The following TTC28 variants were observed in gnomAD, a reference collection of about 807,000 sequenced individuals.
TTC28 encodes tetratricopeptide repeat protein 28.
Under a neutral mutation model 198.0 loss-of-function variants are expected in TTC28, and 61 were observed. The ratio of observed to expected loss-of-function variants is 0.31; its 90% CI spans 0.25 to 0.38. The LOEUF is 0.38. Ranked by LOEUF, TTC28 falls within the 10% of genes least tolerant of loss-of-function variation. The probability of loss-of-function intolerance (pLI) is 1.00; values close to 1 mark genes in which losing one functional copy is unlikely to be tolerated. For missense variants in TTC28, 2,678 were observed against 3,164.0 expected, an observed-to-expected ratio of 0.85 and a Z score of 3.69; for synonymous variants, 1,171 against 1,297.8, an observed-to-expected ratio of 0.90 and a Z score of 2.10.
chr22:28,635,327 A>AG (rs1187251741), intron 1 of TTC28, among the ~76,000 whole-genome samples: 1 of 152,218 alleles, frequency 6.6e-6, no homozygotes, highest in Admixed American at 6.5e-5. Flanking sequence ...TCTCAAAAAA[A>AG]CAAAACAAAG....
At chr22:28,632,660 T>C (rs2051197423) in intron 1 of TTC28, among the ~76,000 whole-genome samples, 1 of 151,736 alleles carries the variant, frequency 6.6e-6, no homozygotes, top group South Asian at 2.1e-4. Flanking sequence ...CCATAAGTTA[T>C]AGAAACAAAT....
chr22:28,357,361 G>A (rs1216888391), intron 2 of TTC28, among the ~76,000 whole-genome samples: 1 of 148,894 alleles, frequency 6.7e-6, no homozygotes, highest in Non-Finnish European at 1.5e-5. Flanking sequence ...GTCAGCAAGG[G>A]GTGGAGTACA....
chr22:28,168,928 C>CA, intron 5 of TTC28, among the ~76,000 whole-genome samples: 1 of 152,236 alleles, frequency 6.6e-6, no homozygotes, highest in Non-Finnish European at 1.5e-5. Flanking sequence ...ACTCATTTGA[C>CA]AAAGGGCTAA....
chr22:28,569,617 C>A (rs1252876442), intron 2 of TTC28, among the ~76,000 whole-genome samples: 5 of 151,584 alleles, frequency 3.3e-5, no homozygotes, highest in African/African-American at 4.8e-5. Flanking sequence ...GAAAAAAAAA[C>A]CTAGGAAATA....
intron 2 of TTC28, among the ~76,000 whole-genome samples, chr22:28,593,169 C>T (rs938128524): frequency 4.6e-5 from 7 of 152,200 alleles, no homozygotes; most frequent in African/African-American, 1.7e-4. Context: ...ATAATTGCAG[C>T]AGTTTTCCAG....
chr22:28,082,079 C>T (rs1282926260), intron 12 of TTC28, among the ~76,000 whole-genome samples: 1 of 152,110 alleles, frequency 6.6e-6, no homozygotes, highest in Non-Finnish European at 1.5e-5. Context: ...TATAGAAACA[C>T]ACTTGATTTT....
intron 6 of TTC28, among the ~76,000 whole-genome samples, chr22:28,128,085 C>T (rs1295129107): frequency 6.6e-6 from 1 of 152,120 alleles, no homozygotes; most frequent in Admixed American, 6.5e-5. Context: ...CACATCAAAG[C>T]CTCTGTAAGT....
chr22:28,011,415 G>T (rs572639685), intron 14 of TTC28, among the ~76,000 whole-genome samples: 2 of 152,168 alleles, frequency 1.3e-5, no homozygotes, highest in African/African-American at 4.8e-5. Flanking sequence ...GGGCAACATG[G>T]TGAAACCCTG....
intron 12 of TTC28, among the ~76,000 whole-genome samples, chr22:28,040,104 C>A (rs1937793687): frequency 6.6e-6 from 1 of 152,068 alleles, no homozygotes. Context: ...CATAGCCTAC[C>A]AAACAAAAAA....
chr22:28,418,258 C>T (rs951924149), intron 2 of TTC28, among the ~76,000 whole-genome samples: 2 of 152,080 alleles, frequency 1.3e-5, no homozygotes, highest in African/African-American at 2.4e-5. Flanking sequence ...TAATTAACTG[C>T]CAGGAAAATG....
chr22:28,033,278 G>A (rs1939206784), intron 12 of TTC28, among the ~76,000 whole-genome samples: 1 of 152,090 alleles, frequency 6.6e-6, no homozygotes, highest in Admixed American at 6.6e-5. Context: ...ACAGATAAAG[G>A]AATCTCCCAT....
intron 5 of TTC28, among the ~76,000 whole-genome samples, chr22:28,190,754 G>A (rs909019130): frequency 2.0e-5 from 3 of 152,042 alleles, no homozygotes; most frequent in Non-Finnish European, 2.9e-5. Flanking sequence ...AGTTCCCCAC[G>A]GACCCCATCA....
At chr22:28,620,744 C>T (rs1280528487) in intron 2 of TTC28, among the ~76,000 whole-genome samples, 1 of 152,168 alleles carries the variant, frequency 6.6e-6, no homozygotes, top group African/African-American at 2.4e-5. Context: ...TGACTTTCTA[C>T]CGGGCCAAAG....
rs775674654 is a variant in TTC28, at chr22:27,983,420, T to G, written c.6247A>C (p.Lys2083Gln). ...NRNTCFSPDHKQPQPGTAGGM... is the reference protein window; with the variant it reads ...NRNTCFSPDHQQPQPGTAGGM... ...CCGGCTGTCCCAGGTTGGGGTTGTT[T>G]GTGGTCTGGTGAGAAGCATGTGTTT... Residue 2083 changes from lysine to glutamine, a missense_variant, in exon 23 of 23, where the codon AAA (lysine) becomes CAA (glutamine). Transcript: ENST00000397906. The G allele has an allele frequency of 1.3e-6, 2 of 1,551,008 alleles. No individual in the cohort carries two copies. Among genetic ancestry groups the G allele is most frequent in the South Asian group, 2.4e-5 (2 of 84,012 alleles).
At chr22:28,236,045 T>A (rs1350242440) in intron 5 of TTC28, among the ~76,000 whole-genome samples, 2 of 152,198 alleles carry the variant, frequency 1.3e-5, no homozygotes, top group African/African-American at 4.8e-5. Flanking sequence ...CTGCTGATCT[T>A]GCTGACCAAC....
At chr22:28,180,509 A>C (rs1487652047) in intron 5 of TTC28, among the ~76,000 whole-genome samples, 1 of 152,150 alleles carries the variant, frequency 6.6e-6, no homozygotes, top group East Asian at 1.9e-4. Context: ...CGGGGCCACC[A>C]GTAAGCTTGT....
intron 5 of TTC28, among the ~76,000 whole-genome samples, chr22:28,193,804 A>C (rs1925123849): frequency 6.6e-6 from 1 of 152,214 alleles, no homozygotes; most frequent in Admixed American, 6.5e-5. Context: ...TTAGAGACCT[A>C]CCAAGAGACT....
chr22:28,486,599 T>C (rs2048317956), intron 2 of TTC28, among the ~76,000 whole-genome samples: 4 of 152,106 alleles, frequency 2.6e-5, no homozygotes, highest in African/African-American at 9.7e-5. Context: ...CAAATGAAAA[T>C]GGTATAAATA....
chr22:28,484,995 C>T (rs1347383667), intron 2 of TTC28, among the ~76,000 whole-genome samples: 1 of 152,160 alleles, frequency 6.6e-6, no homozygotes, highest in Non-Finnish European at 1.5e-5. Flanking sequence ...ACTATCTTGT[C>T]AGTTTTCTCC....
Sources: allele counts gnomAD v4.1 joint callset (sites outside exome capture counted in the v4.1 genomes callset), GRCh38; gene constraint gnomAD v4.1.1; transcripts MANE v1.5; gene names NCBI Gene and HGNC (gene_info 2026-07-23, HGNC 2026-07-21).